The following GPATCH2 variants were observed in gnomAD, a reference collection of about 807,000 sequenced individuals.
GPATCH2 encodes the protein G patch domain-containing protein 2.
In GPATCH2, 51 loss-of-function variants were observed where a neutral mutation model predicts 58.0. That is an observed-to-expected ratio of 0.88 (90% confidence interval 0.70 to 1.11). GPATCH2 has a LOEUF of 1.11. Ranked by LOEUF, GPATCH2 falls within the 50% of genes most tolerant of loss-of-function variation. The pLI, the probability that GPATCH2 is intolerant of heterozygous loss-of-function variation, is 0.00. For synonymous variants in GPATCH2, 222 were observed against 218.5 expected (o/e 1.02, Z -0.14); for missense variants, 625 against 652.2 (o/e 0.96, Z 0.45).
chr1:217,531,952 G>C (rs779575169), intron 5 of GPATCH2, among the ~76,000 whole-genome samples: 1 of 152,150 alleles, frequency 6.6e-6, no homozygotes, highest in Admixed American at 6.5e-5. Flanking sequence ...TTCTTGAATT[G>C]TTTCACAGTA....
chr1:217,501,520 A>G (rs1324113154), intron 6 of GPATCH2, among the ~76,000 whole-genome samples: 4 of 152,084 alleles, frequency 2.6e-5, no homozygotes, highest in African/African-American at 9.7e-5. Context: ...AACTGCCAAC[A>G]TTTTCCAGAA....
chr1:217,528,737 G>A lies in GPATCH2; in HGVS notation c.1099-13848C>T, dbSNP rs147156820. ...GGTAAAAATGCTGCATTTGTGGAAG[G>A]AGGAGGCCAGACAGATAGCCTGAGA... On this transcript the variant is annotated intron_variant, in intron 5 of 9. Coordinates refer to ENST00000366935, the MANE Select transcript of GPATCH2 (RefSeq NM_018040.5). 9.7e-4 allele frequency among the ~76,000 whole-genome samples: 147 copies of A among 152,310 alleles called. 1 individual carries two copies. Among genetic ancestry groups the A allele is most frequent in the Middle Eastern group, 3.4e-3 (1 of 294 alleles).
intron 5 of GPATCH2, among the ~76,000 whole-genome samples, chr1:217,564,966 CATT>C (rs143484428): frequency 0.015 from 2,296 of 152,198 alleles, 63 homozygotes; most frequent in African/African-American, 0.052. Flanking sequence ...AACTAGACAT[CATT>C]GAGGAGAGTT....
At chr1:217,477,051 C>T (rs1215277189) in intron 8 of GPATCH2, among the ~76,000 whole-genome samples, 4 of 151,958 alleles carry the variant, frequency 2.6e-5, no homozygotes, top group African/African-American at 9.7e-5. Flanking sequence ...GAGCCACAGC[C>T]AGATAGGGGA....
chr1:217,545,322 G>A (rs1664980857), intron 5 of GPATCH2, among the ~76,000 whole-genome samples: 1 of 152,196 alleles, frequency 6.6e-6, no homozygotes, highest in Non-Finnish European at 1.5e-5. Flanking sequence ...CAATGGACAA[G>A]CACTACCAAG....
chr1:217,534,202 C>G (rs950757651), intron 5 of GPATCH2, among the ~76,000 whole-genome samples: 5 of 151,908 alleles, frequency 3.3e-5, no homozygotes, highest in Admixed American at 3.3e-4. Flanking sequence ...GTCAACAGAA[C>G]GAGACCCTGT....
In GPATCH2 at chr1:217,489,794, G is replaced by A. The variant is rs576870034; in HGVS notation, c.1277+1886C>T. Among the ~76,000 whole-genome samples the A allele has an allele frequency of 2.9e-3, 449 of 152,300 alleles. 7 individuals are homozygous for A. Among genetic ancestry groups the A allele is most frequent in the Non-Finnish European group, 1.6e-3 (111 of 68,032 alleles). ...GGAGAATTGCTTGAACCCGAGAGGC[G>A]GAGGTTGCAGTGAGTGGAGATCGCA... On this transcript the variant is annotated intron_variant, in intron 8 of 9. Transcript: ENST00000366935.
chr1:217,489,092 T>C lies in GPATCH2; in HGVS notation c.1277+2588A>G, dbSNP rs1303296322. Among the ~76,000 whole-genome samples the C allele has an allele frequency of 2.0e-5, 3 of 151,686 alleles. No homozygotes were observed. In the East Asian group the frequency reaches 5.8e-4, roughly 29 times the overall value. ...CTTATTTTCTCAATGCTTTTTCTTT[T>C]CTCTTCACTTTTTTTTTTTTTTGGT... On this transcript the variant is annotated intron_variant, in intron 8 of 9. Coordinates refer to ENST00000366935, the MANE Select transcript of GPATCH2 (RefSeq NM_018040.5).
chr1:217,454,795 T>G (rs1467089300), intron 8 of GPATCH2, among the ~76,000 whole-genome samples: 3 of 148,216 alleles, frequency 2.0e-5, no homozygotes, highest in African/African-American at 7.4e-5. Flanking sequence ...CACTATGCCC[T>G]CTAATTTTCA....
chr1:217,487,668 G>A lies in GPATCH2; in HGVS notation c.1277+4012C>T, dbSNP rs375392047. On this transcript the variant is annotated intron_variant, in intron 8 of 9. Coordinates refer to ENST00000366935, the MANE Select transcript of GPATCH2 (RefSeq NM_018040.5). ...CTCCAACTCCTGACCTCAGGTGTCC[G>A]CCCACCTCGGCCTCCCAAAGTGCTG... 9.2e-5 allele frequency among the ~76,000 whole-genome samples: 14 copies of A among 151,946 alleles called. No individual in the cohort carries two copies. The South Asian group carries it at 2.1e-3, about 23-fold the overall frequency.
chr1:217,479,348 A>T lies in GPATCH2; in HGVS notation c.1277+12332T>A, dbSNP rs138484329. 4.1e-3 allele frequency among the ~76,000 whole-genome samples: 623 copies of T among 152,316 alleles called. 5 individuals are homozygous for T. Among genetic ancestry groups the T allele is most frequent in the African/African-American group, 0.014 (578 of 41,580 alleles). On this transcript the variant is annotated intron_variant, in intron 8 of 9. Coordinates refer to ENST00000366935, the MANE Select transcript of GPATCH2 (RefSeq NM_018040.5). ...TTCAAGACAGTACAAGAAGATATAA[A>T]CAGAAATAACAGAAAGTTAAAAAGT... is the stretch of plus-strand genomic sequence containing the variant.
Position 217,428,385 on chromosome 1 carries a change from T to C in GPATCH2, c.*2760A>G, listed in dbSNP as rs1658402542. The C allele has an allele frequency of 6.6e-6, 1 of 152,202 alleles. No homozygotes were observed. The highest frequency in any genetic ancestry group is 6.5e-5 in the Admixed American group (1 of 15,288). 9.4% of individuals were successfully genotyped at this position (152,202 alleles called of 1,614,324 possible). A position where few individuals can be genotyped will look rare whatever the true frequency, so the allele number is the denominator to read the frequency against. On this transcript the variant is annotated 3_prime_UTR_variant, in exon 10 of 10. Transcript: ENST00000366935. Reference sequence around the variant, plus strand: ...CTAAATCTTGGGGTTCTATGGACGTTGTAACTGGCAAAAAATTAACTATAT... The same window carrying C: ...CTAAATCTTGGGGTTCTATGGACGTCGTAACTGGCAAAAAATTAACTATAT...
chr1:217,615,759 G>A (rs1668855840), intron 2 of GPATCH2, among the ~76,000 whole-genome samples: 1 of 152,108 alleles, frequency 6.6e-6, no homozygotes, highest in African/African-American at 2.4e-5. Flanking sequence ...TCAATTAAAT[G>A]AATGAATATC....
chr1:217,559,550 C>T (rs1345229186), intron 5 of GPATCH2, among the ~76,000 whole-genome samples: 1 of 152,098 alleles, frequency 6.6e-6, no homozygotes, highest in Non-Finnish European at 1.5e-5. Context: ...CATCTTATGG[C>T]ATTACAAACA....
intron 9 of GPATCH2, among the ~76,000 whole-genome samples, chr1:217,443,405 A>T (rs1659238781): frequency 6.6e-6 from 1 of 152,166 alleles, no homozygotes; most frequent in African/African-American, 2.4e-5. Context: ...TGCTACCGGT[A>T]CAATTTCATT....
intron 5 of GPATCH2, among the ~76,000 whole-genome samples, chr1:217,602,290 C>G (rs1668145158): frequency 6.6e-6 from 1 of 152,166 alleles, no homozygotes; most frequent in East Asian, 1.9e-4. Flanking sequence ...TATCTTATAT[C>G]TCAGTAATAC....
chr1:217,578,690 A>G (rs1666921997), intron 5 of GPATCH2, among the ~76,000 whole-genome samples: 1 of 152,182 alleles, frequency 6.6e-6, no homozygotes, highest in African/African-American at 2.4e-5. Context: ...CTCTTTTCAC[A>G]CAATACACGT....
chr1:217,538,480 A>G (rs555547412), intron 5 of GPATCH2, among the ~76,000 whole-genome samples: 45 of 152,328 alleles, frequency 3.0e-4, no homozygotes, highest in Non-Finnish European at 4.0e-4. Flanking sequence ...GTTTTTAGCT[A>G]TACTTCACCA....
chr1:217,430,833 G>C lies in GPATCH2; in HGVS notation c.*312C>G. 2.6e-6 allele frequency: 1 copy of C among 378,948 alleles called. No homozygotes were observed. The highest frequency in any genetic ancestry group is 4.9e-6 in the Non-Finnish European group (1 of 205,828). 23.5% of individuals were successfully genotyped at this position (378,948 alleles called of 1,614,324 possible). A position where few individuals can be genotyped will look rare whatever the true frequency, so the allele number is the denominator to read the frequency against. ...GCATTGCAGCACTGCACACATACAT[G>C]AATTAAGCAAAGCATCGGAAAGTAT... On this transcript the variant is annotated 3_prime_UTR_variant, in exon 10 of 10. Coordinates refer to ENST00000366935, the MANE Select transcript of GPATCH2 (RefSeq NM_018040.5).
Sources: allele counts gnomAD v4.1 joint callset (sites outside exome capture counted in the v4.1 genomes callset), GRCh38; gene constraint gnomAD v4.1.1; transcripts MANE v1.5; gene names NCBI Gene and HGNC (gene_info 2026-07-23, HGNC 2026-07-21).